The following OR1F1 variants were observed in gnomAD, a reference collection of about 807,000 sequenced individuals.
OR1F1 encodes olfactory receptor family 1 subfamily F member 1.
For synonymous variants in OR1F1, 184 were observed against 156.7 expected, an observed-to-expected ratio of 1.17 and a Z score of -1.30; for missense variants, 493 against 376.3, an observed-to-expected ratio of 1.31 and a Z score of -2.57.
upstream of OR1F1, among the ~76,000 whole-genome samples, chr16:3,200,259 T>C (rs1958121729): frequency 6.6e-6 from 1 of 152,104 alleles, no homozygotes; most frequent in South Asian, 2.1e-4. Context: ...TGTTCATAGG[T>C]TGCACGTCTC....
chr16:3,192,646 G>C, the OR1F1 span, among the ~76,000 whole-genome samples: 1 of 152,140 alleles, frequency 6.6e-6, no homozygotes, highest in Non-Finnish European at 1.5e-5. Flanking sequence ...CGTCGGCTTT[G>C]AGCAGCCTCA....
the OR1F1 span, among the ~76,000 whole-genome samples, chr16:3,188,883 G>T: frequency 6.6e-6 from 1 of 152,186 alleles, no homozygotes; most frequent in Non-Finnish European, 1.5e-5. Flanking sequence ...TGGAGGTCCC[G>T]CCAGCTCCCC....
chr16:3,190,955 A>T, the OR1F1 span, among the ~76,000 whole-genome samples: 1 of 152,158 alleles, frequency 6.6e-6, no homozygotes, highest in African/African-American at 2.4e-5. Context: ...TTCTAGATTG[A>T]AAAAACAACC....
the OR1F1 span, among the ~76,000 whole-genome samples, chr16:3,194,251 T>C: frequency 2.6e-5 from 4 of 151,966 alleles, no homozygotes; most frequent in Non-Finnish European, 1.5e-5. Flanking sequence ...AGTGGGAAAA[T>C]GTTGGAGGCT....
the OR1F1 span, among the ~76,000 whole-genome samples, chr16:3,197,330 T>C: frequency 6.6e-6 from 1 of 152,198 alleles, no homozygotes; most frequent in African/African-American, 2.4e-5. Flanking sequence ...AAAACTAATC[T>C]TAATAATACA....
chr16:3,189,313 G>A, the OR1F1 span, among the ~76,000 whole-genome samples: 5 of 152,210 alleles, frequency 3.3e-5, no homozygotes, highest in Non-Finnish European at 5.9e-5. Flanking sequence ...CTATTGGGAG[G>A]TTCCCATGTC....
At chr16:3,205,450 G>A (rs1457661117), downstream of OR1F1, among the ~76,000 whole-genome samples, 9 of 151,820 alleles carry the variant, frequency 5.9e-5, no homozygotes, top group Admixed American at 5.9e-4. Context: ...TGAGTAGCTG[G>A]GACCACAGGT....
the OR1F1 span, among the ~76,000 whole-genome samples, chr16:3,191,983 T>C: frequency 9.2e-5 from 14 of 152,184 alleles, no homozygotes; most frequent in Non-Finnish European, 1.8e-4. Flanking sequence ...AAGGGCCTGC[T>C]GCTGTGGCTC....
upstream of OR1F1, among the ~76,000 whole-genome samples, chr16:3,201,820 C>T (rs1958138892): frequency 1.3e-5 from 2 of 152,160 alleles, no homozygotes; most frequent in South Asian, 4.1e-4. Context: ...GGCGTCACTG[C>T]CCCTTTCCAT....
At chr16:3,206,105 C>T (rs532805006), downstream of OR1F1, among the ~76,000 whole-genome samples, 1 of 152,258 alleles carries the variant, frequency 6.6e-6, no homozygotes, top group South Asian at 2.1e-4. Flanking sequence ...ATGCACTCCT[C>T]GGGGGAGGTC....
chr16:3,204,508 G>C lies in OR1F1; in HGVS notation c.262G>C (p.Glu88Gln), dbSNP rs150333046. The C allele has an allele frequency of 2.5e-6, 4 of 1,614,088 alleles. No homozygotes were observed. The East Asian group carries it at 6.7e-5, about 27-fold the overall frequency. ...CAAGATGCTGGCCAATCACATACTC[G>C]AGACTCAGACCATCTCCTTCTGTGG... Residue 88 changes from glutamate (E) to glutamine (Q), a missense_variant, in exon 1 of 1, where the codon GAG (glutamate) becomes CAG (glutamine). Physicochemically the swap from Glu to Gln is conservative, Grantham distance 29. Coordinates refer to ENST00000304646, the Ensembl canonical transcript of OR1F1.
At chr16:3,195,692 A>AG in the OR1F1 span, among the ~76,000 whole-genome samples, 10 of 151,796 alleles carry the variant, frequency 6.6e-5, no homozygotes, top group South Asian at 6.2e-4. Flanking sequence ...AAAAAAAAAA[A>AG]AAGAAGTGAA....
chr16:3,197,546 C>T, the OR1F1 span, among the ~76,000 whole-genome samples: 9 of 131,908 alleles, frequency 6.8e-5, no homozygotes, highest in Non-Finnish European at 9.5e-5. Context: ...CCTCAGACAG[C>T]GCAGTCCTAC....
downstream of OR1F1, among the ~76,000 whole-genome samples, chr16:3,206,106 G>A (rs1307905909): frequency 2.0e-5 from 3 of 152,140 alleles, no homozygotes; most frequent in Non-Finnish European, 2.9e-5. Context: ...TGCACTCCTC[G>A]GGGGAGGTCT....
the OR1F1 span, among the ~76,000 whole-genome samples, chr16:3,195,864 C>G: frequency 6.6e-6 from 1 of 152,154 alleles, no homozygotes; most frequent in African/African-American, 2.4e-5. Flanking sequence ...CCCAGTACAT[C>G]TGGGCACACC....
At chr16:3,189,072 G>C in the OR1F1 span, among the ~76,000 whole-genome samples, 1 of 152,176 alleles carries the variant, frequency 6.6e-6, no homozygotes, top group Non-Finnish European at 1.5e-5. Context: ...TAGGGTTCGA[G>C]GCCCACGTGG....
upstream of OR1F1, among the ~76,000 whole-genome samples, chr16:3,202,614 C>A (rs771249393): frequency 2.7e-5 from 4 of 150,666 alleles, no homozygotes; most frequent in East Asian, 5.8e-4. Flanking sequence ...TGGTAGTGCA[C>A]GCCTGTAGTA....
the OR1F1 span, chr16:3,188,336 A>G: frequency 4.6e-5 from 7 of 151,792 alleles, no homozygotes; most frequent in East Asian, 3.9e-4. Context: ...AGCGCTGCCA[A>G]CTGCGGCAAC....
chr16:3,199,465 C>G (rs979901577), upstream of OR1F1, among the ~76,000 whole-genome samples: 4 of 152,020 alleles, frequency 2.6e-5, no homozygotes, highest in Non-Finnish European at 2.9e-5. Flanking sequence ...CCAGCCTGGG[C>G]AACATAATGA....
Sources: allele counts gnomAD v4.1 joint callset (sites outside exome capture counted in the v4.1 genomes callset), GRCh38; gene constraint gnomAD v4.1.1; transcripts MANE v1.5; gene names NCBI Gene and HGNC (gene_info 2026-07-23, HGNC 2026-07-21).